GNAL: variants seen among roughly 807,000 people sequenced by gnomAD.
The protein encoded by GNAL is G protein subunit alpha L.
GNAL carries 18 observed loss-of-function variants against 55.1 expected under a neutral mutation model. That is an observed-to-expected ratio of 0.33 (90% CI 0.23 to 0.48). The LOEUF is 0.48. Among genes scored for constraint, GNAL ranks in the 20% least tolerant of loss-of-function variants. GNAL has a pLI of 0.99. For synonymous variants in GNAL, 253 were observed against 237.0 expected, an observed-to-expected ratio of 1.07 and a Z score of -0.62; for missense variants, 412 against 614.1, an observed-to-expected ratio of 0.67 and a Z score of 3.48.
At position 11,779,031 on chromosome 18, in the gene GNAL, T is replaced by C. The variant is rs78090872; in HGVS notation, c.624+25086T>C. Among the ~76,000 whole-genome samples the C allele has an allele frequency of 6.6e-3, 1,005 of 152,032 alleles. 12 individuals are homozygous for C. The highest frequency in any genetic ancestry group is 0.023 in the African/African-American group (955 of 41,478). ...AATCCATGATGGGAACTGATAAAAATAGGTTCTTGAGAAAGGGGATTGTGG... is the reference window on the plus strand; with the variant it reads ...AATCCATGATGGGAACTGATAAAAACAGGTTCTTGAGAAAGGGGATTGTGG... On this transcript the variant is annotated intron_variant, in intron 4 of 11. Coordinates refer to ENST00000334049, the MANE Select transcript of GNAL (RefSeq NM_182978.4).
intron 4 of GNAL, among the ~76,000 whole-genome samples, chr18:11,761,287 G>A (rs577510401): frequency 1.4e-4 from 22 of 152,296 alleles, no homozygotes; most frequent in Non-Finnish European, 3.2e-4. Flanking sequence ...GCCCTCCTGG[G>A]AGAAGGCACC....
chr18:11,766,479 C>A (rs574919259), intron 4 of GNAL, among the ~76,000 whole-genome samples: 3 of 152,154 alleles, frequency 2.0e-5, no homozygotes, highest in Non-Finnish European at 4.4e-5. Context: ...CCCAGCACCC[C>A]CAGAGTCCCC....
At chr18:11,782,311 C>T (rs980463722) in intron 4 of GNAL, among the ~76,000 whole-genome samples, 1 of 151,658 alleles carries the variant, frequency 6.6e-6, no homozygotes, top group East Asian at 1.9e-4. Context: ...AGCTAGACTC[C>T]GTCTCAAAAG....
At chr18:11,708,560 A>C (rs902660610) in intron 1 of GNAL, among the ~76,000 whole-genome samples, 1 of 152,230 alleles carries the variant, frequency 6.6e-6, no homozygotes, top group African/African-American at 2.4e-5. Flanking sequence ...AGAGACACAA[A>C]GTGAGCACAT....
In GNAL at chr18:11,706,007, G is replaced by A. The variant is rs566690126; in HGVS notation, c.376+16068G>A. 5.3e-5 allele frequency among the ~76,000 whole-genome samples: 8 copies of A among 152,088 alleles called. No individual in the cohort carries two copies. In the East Asian group the frequency reaches 5.8e-4, roughly 11 times the overall value. Reference sequence around the variant, plus strand: ...TGACTTCAAGTGATCTGCCCACCTCGGCCTTTCAAAGTGCTGGGATTACAG... The same window carrying A: ...TGACTTCAAGTGATCTGCCCACCTCAGCCTTTCAAAGTGCTGGGATTACAG... On this transcript the variant is annotated intron_variant, in intron 1 of 11. Coordinates refer to ENST00000334049, the MANE Select transcript of GNAL (RefSeq NM_182978.4).
At position 11,752,450 on chromosome 18, in the gene GNAL, G is replaced by T; in HGVS notation, c.377-403G>T. 1.2e-6 allele frequency: 2 copies of T among 1,611,104 alleles called. No individual in the cohort carries two copies. The highest frequency in any genetic ancestry group is 2.2e-5 in the South Asian group (2 of 90,796). ...CGGGCAGGCATGGGGTGTTTGGGCGGCAACAGCAAGACGACGGAAGACCAG... is the reference window on the plus strand; with the variant it reads ...CGGGCAGGCATGGGGTGTTTGGGCGTCAACAGCAAGACGACGGAAGACCAG... On this transcript the variant is annotated intron_variant, in intron 1 of 11. Transcript: ENST00000334049. This position sits in a 1 kb window ranked among gnomAD's most constrained non-coding sequence, Gnocchi z 4.5.
At chr18:11,829,149 C>CTTCTA (rs1377337756) in intron 5 of GNAL, among the ~76,000 whole-genome samples, 1 of 152,246 alleles carries the variant, frequency 6.6e-6, no homozygotes, top group African/African-American at 2.4e-5. Context: ...CCAAGACTCC[C>CTTCTA]TTCTAGGCTT....
intron 4 of GNAL, among the ~76,000 whole-genome samples, chr18:11,786,510 G>A (rs998503338): frequency 2.3e-5 from 3 of 131,668 alleles, no homozygotes; most frequent in East Asian, 2.3e-4. Context: ...GTGCAGTGGC[G>A]CTGTCTCAGC....
chr18:11,808,698 C>T (rs1041270134), intron 4 of GNAL, among the ~76,000 whole-genome samples: 2 of 152,144 alleles, frequency 1.3e-5, no homozygotes, highest in Non-Finnish European at 2.9e-5. Flanking sequence ...AACTTGCACA[C>T]GAATGTTTAT....
intron 4 of GNAL, among the ~76,000 whole-genome samples, chr18:11,803,528 A>G (rs1431685011): frequency 6.6e-6 from 1 of 152,172 alleles, no homozygotes; most frequent in East Asian, 1.9e-4. Context: ...CAGTTTTTAT[A>G]TATTATCTTT....
intron 5 of GNAL, among the ~76,000 whole-genome samples, chr18:11,825,751 G>GAAAAAAAAAAAAAA (rs1289147177): frequency 1.6e-5 from 1 of 62,552 alleles, no homozygotes. Context: ...AAAAAAAAAG[G>GAAAAAAAAAAAAAA]AAAAGGACAC....
rs538576596 is a variant in GNAL at position 11,874,748 on chromosome 18, G to A, written c.1163-1873G>A. ...CCCCGCCAAGATAAATGACATGGGC[G>A]CTCCCCAGCCACTCCAGAACACAGC... On this transcript the variant is annotated intron_variant, in intron 10 of 11. Transcript: ENST00000334049. Among the ~76,000 whole-genome samples, 12 of 146,452 alleles carry A rather than the reference G, an allele frequency of 8.2e-5. No homozygotes were observed. In the South Asian group the frequency reaches 8.9e-4, roughly 11 times the overall value.
intron 1 of GNAL, among the ~76,000 whole-genome samples, chr18:11,692,392 A>G (rs1235616275): frequency 6.6e-6 from 1 of 152,244 alleles, no homozygotes; most frequent in African/African-American, 2.4e-5. Flanking sequence ...GTAAACACTC[A>G]GGTTATCTCA....
chr18:11,737,913 C>T (rs1420753760), intron 1 of GNAL, among the ~76,000 whole-genome samples: 1 of 152,190 alleles, frequency 6.6e-6, no homozygotes, highest in African/African-American at 2.4e-5. Flanking sequence ...CCCTGCCATT[C>T]CCCCTGCACC....
intron 1 of GNAL, among the ~76,000 whole-genome samples, chr18:11,710,090 G>A (rs1180593499): frequency 6.6e-6 from 1 of 152,124 alleles, no homozygotes. Context: ...CACTGTTAAT[G>A]TGGTATATCA....
In GNAL at chr18:11,731,616, C is replaced by T. The variant is rs1304285580; in HGVS notation, c.377-21237C>T. Among the ~76,000 whole-genome samples, 5 of 152,292 alleles carry T rather than the reference C, an allele frequency of 3.3e-5. No homozygotes were observed. In the South Asian group the frequency reaches 8.3e-4, roughly 25 times the overall value. ...TCCCACTGCGCAATTGAATTCCAAT[C>T]CAGAAAGATTGCCATTTGTTTTTTT... On this transcript the variant is annotated intron_variant, in intron 1 of 11. Transcript: ENST00000334049.
chr18:11,788,897 G>GAAAAAAAAAAAAAAA (rs1162398867), intron 4 of GNAL, among the ~76,000 whole-genome samples: 7 of 82,516 alleles, frequency 8.5e-5, no homozygotes, highest in African/African-American at 1.5e-4. Flanking sequence ...ACTCCGTCTC[G>GAAAAAAAAAAAAAAA]AAAAAAAAAA....
intron 4 of GNAL, among the ~76,000 whole-genome samples, chr18:11,803,980 A>G (rs1210637439): frequency 1.3e-5 from 2 of 149,788 alleles, no homozygotes; most frequent in African/African-American, 2.5e-5. Flanking sequence ...ACACGGAGAT[A>G]CTGTGTAGTG....
intron 1 of GNAL, among the ~76,000 whole-genome samples, chr18:11,728,450 G>C (rs1025443362): frequency 1.3e-5 from 2 of 152,022 alleles, no homozygotes; most frequent in African/African-American, 4.8e-5. Flanking sequence ...CCCTCTTCTG[G>C]CTGCATTTTT....
Sources: allele counts gnomAD v4.1 joint callset (sites outside exome capture counted in the v4.1 genomes callset), GRCh38; gene constraint gnomAD v4.1.1; non-coding constraint Gnocchi (gnomAD v3.1); transcripts MANE v1.5; gene names NCBI Gene and HGNC (gene_info 2026-07-23, HGNC 2026-07-21).